Variants in VGLL3 observed in about 807,000 individuals in gnomAD.
VGLL3 encodes transcription cofactor vestigial-like protein 3.
In VGLL3, 18 loss-of-function variants were observed where a neutral mutation model predicts 29.2. The ratio of observed to expected loss-of-function variants is 0.62; its 90% confidence interval spans 0.43 to 0.91. The LOEUF is 0.91. Among genes scored for constraint, VGLL3 ranks in the 40% least tolerant of loss-of-function variants. VGLL3 has a pLI of 0.00. For synonymous variants in VGLL3, 180 were observed against 151.8 expected, an observed-to-expected ratio of 1.19 and a Z score of -1.36; for missense variants, 440 against 413.2, an observed-to-expected ratio of 1.06 and a Z score of -0.56.
At chr3:86,982,098 T>G in intron 1 of VGLL3, among the ~76,000 whole-genome samples, 1 of 152,174 alleles carries the variant, frequency 6.6e-6, no homozygotes, top group Admixed American at 6.6e-5. Flanking sequence ...CCTCAACTAC[T>G]TTCTAATGTC....
intron 3 of VGLL3, among the ~76,000 whole-genome samples, chr3:86,959,626 T>G (rs2106988213): frequency 6.6e-6 from 1 of 152,330 alleles, no homozygotes; most frequent in South Asian, 2.1e-4. Flanking sequence ...AGCATTATTA[T>G]ATTTAGTAAA....
At chr3:86,975,646 C>T (rs1476811533) in intron 2 of VGLL3, among the ~76,000 whole-genome samples, 1 of 152,120 alleles carries the variant, frequency 6.6e-6, no homozygotes, top group Non-Finnish European at 1.5e-5. Flanking sequence ...TCATTCAATG[C>T]ATATCTATTT....
intron 3 of VGLL3, among the ~76,000 whole-genome samples, chr3:86,956,618 T>C (rs1211049636): frequency 2.6e-5 from 4 of 151,678 alleles, no homozygotes; most frequent in Non-Finnish European, 5.9e-5. Flanking sequence ...AACCCGGTCT[T>C]TACTAAAAAT....
At chr3:86,960,954 T>C (rs1704825995) in intron 3 of VGLL3, among the ~76,000 whole-genome samples, 1 of 149,062 alleles carries the variant, frequency 6.7e-6, no homozygotes, top group Non-Finnish European at 1.5e-5. Flanking sequence ...TATATATATA[T>C]ATATATATAT....
chr3:86,937,991 A>G lies in VGLL3; in HGVS notation c.*9033T>C, dbSNP rs1704312165. 6.6e-6 allele frequency: 1 copy of G among 152,128 alleles called. No homozygotes were observed. The highest frequency in any genetic ancestry group is 2.1e-4 in the South Asian group (1 of 4,830). 9.4% of individuals were successfully genotyped at this position (152,128 alleles called of 1,614,324 possible). ...TCGTTGATTGAAGCCAATTTTTTTT[A>G]TTGTTGGTGTAATTTGTTTAACACA... On this transcript the variant is annotated 3_prime_UTR_variant, in exon 4 of 4. Transcript: ENST00000398399.
At chr3:86,947,341 G>T (rs1288356116) in intron 3 of VGLL3, among the ~76,000 whole-genome samples, 2 of 152,110 alleles carry the variant, frequency 1.3e-5, no homozygotes, top group Non-Finnish European at 2.9e-5. Context: ...TATTTGCTTG[G>T]AGTATGAGTG....
At chr3:86,967,910 A>G (rs1704997636) in intron 3 of VGLL3, among the ~76,000 whole-genome samples, 1 of 152,172 alleles carries the variant, frequency 6.6e-6, no homozygotes, top group Non-Finnish European at 1.5e-5. Context: ...CCTTACTATT[A>G]GTTTCTAAAT....
intron 2 of VGLL3, among the ~76,000 whole-genome samples, chr3:86,970,003 C>A (rs1705060327): frequency 6.6e-6 from 1 of 151,994 alleles, no homozygotes. Flanking sequence ...CAAGAGGGCG[C>A]AATTGTAACT....
At position 86,974,209 on chromosome 3, in the gene VGLL3, C is replaced by T. The variant is rs756911710; in HGVS notation, c.403+4317G>A. On this transcript the variant is annotated intron_variant, in intron 2 of 3. Coordinates refer to ENST00000398399, the MANE Select transcript of VGLL3 (RefSeq NM_016206.4). ...CTCGACTCACTGCAACCTCCACCTCCCGGGTTCAAGCGATTCTCCTGTCTC... is the reference window on the plus strand; with the variant it reads ...CTCGACTCACTGCAACCTCCACCTCTCGGGTTCAAGCGATTCTCCTGTCTC... Among the ~76,000 whole-genome samples, 19 of 151,994 alleles carry T rather than the reference C, an allele frequency of 1.3e-4. No individual in the cohort carries two copies. The East Asian group carries it at 3.7e-3, about 29-fold the overall frequency.
chr3:86,988,667 A>AG (rs1705506739), intron 1 of VGLL3, among the ~76,000 whole-genome samples: 19 of 36,402 alleles, frequency 5.2e-4, no homozygotes, highest in Non-Finnish European at 4.0e-4. Context: ...AAAAAAAAAA[A>AG]AAAAAAAAAA....
chr3:86,964,399 G>A (rs369257297), intron 3 of VGLL3, among the ~76,000 whole-genome samples: 5 of 152,100 alleles, frequency 3.3e-5, no homozygotes, highest in East Asian at 1.9e-4. Flanking sequence ...ATTATATGAC[G>A]TTCAACCTTC....
At chr3:86,956,764 G>T (rs1417441744) in intron 3 of VGLL3, among the ~76,000 whole-genome samples, 5 of 135,998 alleles carry the variant, frequency 3.7e-5, no homozygotes, top group Non-Finnish European at 6.1e-5. Context: ...CAGCCTGGGC[G>T]ACAGAGCGAG....
chr3:86,990,561 G>A (rs1575885289), intron 1 of VGLL3, 57 bp downstream of exon 1: 5 of 1,311,574 alleles, frequency 3.8e-6, no homozygotes, highest in Non-Finnish European at 4.9e-6. Flanking sequence ...GCCCCAGACC[G>A]ATACTCTCGA....
rs1220651922 is a variant in VGLL3 at position 86,945,688 on chromosome 3, A to C, written c.*1336T>G. The C allele has an allele frequency of 2.0e-5, 3 of 152,198 alleles. No individual in the cohort carries two copies. The highest frequency in any genetic ancestry group is 4.4e-5 in the Non-Finnish European group (3 of 68,008). The allele number at this position is 152,198 out of a possible 1,614,324, so 9.4% of individuals were successfully genotyped here. On this transcript the variant is annotated 3_prime_UTR_variant, in exon 4 of 4. Coordinates refer to ENST00000398399, the MANE Select transcript of VGLL3 (RefSeq NM_016206.4). ...TAATTTTTAGCCCAATTTAAATTGT[A>C]TATAACCTCTGGTTTTATTTTTAAA...
chr3:86,954,902 C>CAAAAAAAAAAAAAAAAA lies in VGLL3; in HGVS notation c.938-7836_938-7835insTTTTTTTTTTTTTTTTT, dbSNP rs879461102. Reference sequence around the variant, plus strand: ...TCCCAGAACTGGAGAGGAGCAAAACCAAAAAAAAAAAAGCTTGGATCACTT... The same window carrying CAAAAAAAAAAAAAAAAA: ...TCCCAGAACTGGAGAGGAGCAAAACCAAAAAAAAAAAAAAAAAAAAAAAAAAAAAGCTTGGATCACTT... On this transcript the variant is annotated intron_variant, in intron 3 of 3. Transcript: ENST00000398399. Among the ~76,000 whole-genome samples, 444 of 127,852 alleles carry CAAAAAAAAAAAAAAAAA rather than the reference C, an allele frequency of 3.5e-3. 10 individuals are homozygous for CAAAAAAAAAAAAAAAAA. Among genetic ancestry groups the CAAAAAAAAAAAAAAAAA allele is most frequent in the African/African-American group, 0.013 (407 of 32,044 alleles). The allele number at this position is 127,852 out of a possible 152,430, so 83.9% of individuals were successfully genotyped here. A position where few individuals can be genotyped will look rare whatever the true frequency, so the allele number is the denominator to read the frequency against.
In VGLL3 at chr3:86,959,952, A is replaced by G. The variant is rs58203052; in HGVS notation, c.937+8638T>C. Among the ~76,000 whole-genome samples the G allele has an allele frequency of 6.7e-4, 102 of 152,044 alleles. 2 individuals carry two copies. Among genetic ancestry groups the G allele is most frequent in the Non-Finnish European group, 1.0e-4 (7 of 67,982 alleles). ...GGAAAAGTAAGAATTAAATAGATCTATCTCTCTTTCATGGAGAGAAACTGC... is the reference window on the plus strand; with the variant it reads ...GGAAAAGTAAGAATTAAATAGATCTGTCTCTCTTTCATGGAGAGAAACTGC... On this transcript the variant is annotated intron_variant, in intron 3 of 3. Transcript: ENST00000398399.
intron 1 of VGLL3, among the ~76,000 whole-genome samples, chr3:86,981,011 C>T (rs181024588): frequency 2.6e-5 from 4 of 152,040 alleles, no homozygotes; most frequent in African/African-American, 9.7e-5. Flanking sequence ...TTGTAACATT[C>T]ATTCTTTAAA....
At chr3:86,967,534 A>T (rs977953330) in intron 3 of VGLL3, among the ~76,000 whole-genome samples, 1 of 152,210 alleles carries the variant, frequency 6.6e-6, no homozygotes, top group Admixed American at 6.5e-5. Context: ...CGGGAGAGGT[A>T]AAATAAAGCT....
rs1167431027 is a variant in VGLL3 at position 86,940,530 on chromosome 3, A to C, written c.*6494T>G. 6.6e-6 allele frequency: 1 copy of C among 152,578 alleles called. No individual in the cohort carries two copies. The highest frequency in any genetic ancestry group is 1.5e-5 in the Non-Finnish European group (1 of 67,984). 9.5% of individuals were successfully genotyped at this position (152,578 alleles called of 1,614,324 possible). A position where few individuals can be genotyped will look rare whatever the true frequency, so the allele number is the denominator to read the frequency against. On this transcript the variant is annotated 3_prime_UTR_variant, in exon 4 of 4. Transcript: ENST00000398399. ...AACACCTAAGATGTTGTAATTTCCA[A>C]AATATTTATAAGATGCTTAATTGAA...
Sources: allele counts gnomAD v4.1 joint callset (sites outside exome capture counted in the v4.1 genomes callset), GRCh38; gene constraint gnomAD v4.1.1; transcripts MANE v1.5; gene names NCBI Gene and HGNC (gene_info 2026-07-23, HGNC 2026-07-21).